The following ATP8A2 variants were observed in gnomAD, a reference collection of about 807,000 sequenced individuals.
The protein encoded by ATP8A2 is phospholipid-transporting ATPase IB.
A neutral mutation model predicts 165.6 loss-of-function variants in ATP8A2; 100 were observed. That is an observed-to-expected ratio of 0.60 (90% CI 0.51 to 0.71). The LOEUF is 0.71. Ranked by LOEUF, ATP8A2 falls within the 30% of genes least tolerant of loss-of-function variation. The probability of loss-of-function intolerance (pLI) is 0.00; values close to 1 mark genes in which losing one functional copy is unlikely to be tolerated. For missense variants in ATP8A2, 1,227 were observed against 1,479.5 expected, an observed-to-expected ratio of 0.83 and a Z score of 2.80; for synonymous variants, 543 against 548.8, an observed-to-expected ratio of 0.99 and a Z score of 0.15.
intron 24 of ATP8A2, among the ~76,000 whole-genome samples, chr13:25,651,681 C>T (rs944642213): frequency 1.8e-4 from 27 of 152,112 alleles, no homozygotes; most frequent in African/African-American, 5.8e-4. Context: ...CAAAGGACAA[C>T]CTTTTGGCTT....
intron 1 of ATP8A2, among the ~76,000 whole-genome samples, chr13:25,444,668 CAG>C (rs775226500): frequency 2.0e-5 from 3 of 150,150 alleles, no homozygotes; most frequent in Non-Finnish European, 4.4e-5. Context: ...GTTTTTGAGA[CAG>C]AGTCTCACTG....
intron 36 of ATP8A2, among the ~76,000 whole-genome samples, chr13:26,016,054 A>G (rs1448130917): frequency 2.0e-5 from 3 of 152,200 alleles, no homozygotes; most frequent in Admixed American, 1.3e-4. Flanking sequence ...AACTCCCGCC[A>G]GGCCTGGTTT....
intron 1 of ATP8A2, among the ~76,000 whole-genome samples, chr13:25,411,324 G>C (rs2033957809): frequency 6.6e-6 from 1 of 152,208 alleles, no homozygotes; most frequent in South Asian, 2.1e-4. Context: ...TGGTTCCTGA[G>C]AGGTGGCTAG....
rs897347223 is a variant in ATP8A2 at position 26,021,253 on chromosome 13, C to G, written c.*1268C>G. The G allele has an allele frequency of 6.6e-6, 1 of 152,310 alleles. No homozygotes were observed. Among genetic ancestry groups the G allele is most frequent in the Non-Finnish European group, 1.5e-5 (1 of 68,102 alleles). The allele number at this position is 152,310 out of a possible 1,614,324, so 9.4% of individuals were successfully genotyped here. A position where few individuals can be genotyped will look rare whatever the true frequency, so the allele number is the denominator to read the frequency against. On this transcript the variant is annotated 3_prime_UTR_variant, in exon 37 of 37. Transcript: ENST00000381655. Reference sequence around the variant, plus strand: ...AGAGGAGGACACAGAGGAATCGCCACCAGATCTTTGCAGTAGAAACTCTGA... The same window carrying G: ...AGAGGAGGACACAGAGGAATCGCCAGCAGATCTTTGCAGTAGAAACTCTGA...
chr13:25,941,040 G>A (rs1289204530), intron 33 of ATP8A2, among the ~76,000 whole-genome samples: 21 of 152,134 alleles, frequency 1.4e-4, no homozygotes, highest in African/African-American at 4.8e-4. Flanking sequence ...CATCTTTGTG[G>A]AGCACTCCAC....
chr13:25,766,663 C>G (rs1261194127), intron 25 of ATP8A2, among the ~76,000 whole-genome samples: 1 of 152,130 alleles, frequency 6.6e-6, no homozygotes, highest in East Asian at 1.9e-4. Flanking sequence ...CTACTTCCAG[C>G]TAGTATTTTG....
intron 33 of ATP8A2, among the ~76,000 whole-genome samples, chr13:25,950,084 G>A (rs1050197882): frequency 6.6e-6 from 1 of 152,176 alleles, no homozygotes. Context: ...ACAGGTGTGA[G>A]CCACCGCTCC....
chr13:25,842,928 A>G (rs1951779077), intron 30 of ATP8A2, among the ~76,000 whole-genome samples: 1 of 152,202 alleles, frequency 6.6e-6, no homozygotes, highest in African/African-American at 2.4e-5. Flanking sequence ...AAAGAAAACT[A>G]CTGGCAGAGA....
At chr13:25,834,051 C>A (rs1467090848) in intron 28 of ATP8A2, among the ~76,000 whole-genome samples, 1 of 152,156 alleles carries the variant, frequency 6.6e-6, no homozygotes, top group African/African-American at 2.4e-5. Context: ...CCTGCTCAAA[C>A]TCACTGATAG....
At chr13:25,637,879 C>A (rs2041412642) in intron 24 of ATP8A2, among the ~76,000 whole-genome samples, 2 of 152,214 alleles carry the variant, frequency 1.3e-5, no homozygotes, top group South Asian at 4.1e-4. Context: ...ACTGACACCT[C>A]ACACGGCCGG....
chr13:25,899,156 T>G (rs1409458325), intron 33 of ATP8A2, among the ~76,000 whole-genome samples: 3 of 152,254 alleles, frequency 2.0e-5, no homozygotes, highest in Admixed American at 2.0e-4. Flanking sequence ...CTGTTCCTAT[T>G]CGGCCATGTT....
intron 24 of ATP8A2, among the ~76,000 whole-genome samples, chr13:25,662,587 A>G (rs188261874): frequency 1.3e-5 from 2 of 152,304 alleles, no homozygotes; most frequent in African/African-American, 4.8e-5. Context: ...GCTGACTGTA[A>G]ATGAACAGTG....
chr13:25,553,127 A>G (rs2138065486), intron 11 of ATP8A2, among the ~76,000 whole-genome samples: 1 of 151,838 alleles, frequency 6.6e-6, no homozygotes, highest in Non-Finnish European at 1.5e-5. Flanking sequence ...TTACCCTTCA[A>G]GCAGAAGATC....
chr13:25,391,418 T>C (rs773118776), intron 1 of ATP8A2, among the ~76,000 whole-genome samples: 3 of 152,230 alleles, frequency 2.0e-5, no homozygotes, highest in Non-Finnish European at 4.4e-5. Flanking sequence ...ACGACCTTTG[T>C]TTCAGGTCAC....
intron 35 of ATP8A2, among the ~76,000 whole-genome samples, chr13:25,993,679 T>C (rs1180638327): frequency 6.6e-6 from 1 of 152,192 alleles, no homozygotes; most frequent in African/African-American, 2.4e-5. Context: ...TGTTTTTTGT[T>C]TCTGTCTTCT....
intron 24 of ATP8A2, among the ~76,000 whole-genome samples, chr13:25,618,682 A>C (rs1593662421): frequency 1.8e-5 from 2 of 112,662 alleles, no homozygotes; most frequent in East Asian, 4.3e-4. Context: ...TGATAGTTAG[A>C]CTTTTTTTTT....
Position 25,579,314 on chromosome 13 carries a change from G to A in ATP8A2, c.1867+415G>A, listed in dbSNP as rs141704979. On this transcript the variant is annotated intron_variant, in intron 21 of 36. Transcript: ENST00000381655. ...ACTGATGTCAGGTGTTCCTGATAGC[G>A]AATGTCATGATAGCTGGAGCCACAC... Among the ~76,000 whole-genome samples the A allele has an allele frequency of 1.7e-3, 262 of 152,314 alleles. 2 individuals carry two copies. The highest frequency in any genetic ancestry group is 5.4e-3 in the African/African-American group (226 of 41,576).
intron 17 of ATP8A2, among the ~76,000 whole-genome samples, 169 bp from the exon 18 acceptor site, chr13:25,571,441 C>T (rs1036756512): frequency 6.6e-6 from 1 of 152,154 alleles, no homozygotes; most frequent in Non-Finnish European, 1.5e-5. Flanking sequence ...ATTTCAGAAC[C>T]CTGGTGGTAG....
chr13:25,731,161 G>T (rs530724918), intron 25 of ATP8A2, among the ~76,000 whole-genome samples: 1 of 100,748 alleles, frequency 9.9e-6, no homozygotes, highest in East Asian at 3.0e-4. Context: ...GAAAGAAAGA[G>T]AAAGAAGGAA....
Sources: allele counts gnomAD v4.1 joint callset (sites outside exome capture counted in the v4.1 genomes callset), GRCh38; gene constraint gnomAD v4.1.1; transcripts MANE v1.5; gene names NCBI Gene and HGNC (gene_info 2026-07-23, HGNC 2026-07-21).